The following RNF213 variants were observed in gnomAD, a reference collection of about 807,000 sequenced individuals.
The protein encoded by RNF213 is E3 ubiquitin-protein ligase RNF213.
In RNF213, 341 loss-of-function variants were observed where a neutral mutation model predicts 514.4. The ratio of observed to expected loss-of-function variants is 0.66; its 90% CI spans 0.61 to 0.73. RNF213 has a LOEUF of 0.73. RNF213 is among the 30% of genes least tolerant of loss of function. RNF213 has a pLI of 0.00. For missense variants in RNF213, 5,767 were observed against 6,615.6 expected (o/e 0.87, Z 4.45); for synonymous variants, 2,655 against 2,658.2 (o/e 1.00, Z 0.04).
chr17:80,280,862 C>T (rs1436079319), intron 3 of RNF213, among the ~76,000 whole-genome samples: 3 of 152,024 alleles, frequency 2.0e-5, no homozygotes, highest in African/African-American at 7.3e-5. Context: ...AAGCTGTCAA[C>T]GTACACGGGT....
intron 11 of RNF213, among the ~76,000 whole-genome samples, chr17:80,300,575 A>G (rs893983363): frequency 6.8e-6 from 1 of 147,670 alleles, no homozygotes; most frequent in Non-Finnish European, 1.5e-5. Context: ...TTTGTTTGAG[A>G]TGGAGTTTCG....
chr17:80,340,903 C>T (rs2078138743), intron 26 of RNF213: 1 of 155,210 alleles, frequency 6.4e-6, no homozygotes, highest in African/African-American at 2.4e-5. Flanking sequence ...CTCCCGGATT[C>T]AAGCGATTTT....
chr17:80,361,700 C>T, intron 38 of RNF213, 34 bp from the exon 39 acceptor site: 1 of 1,609,984 alleles, frequency 6.2e-7, no homozygotes, highest in Non-Finnish European at 8.5e-7. Flanking sequence ...GACTTAGACG[C>T]ACTCCAGGCC....
chr17:80,294,712 C>A lies in RNF213; in HGVS notation c.1472-8C>A, dbSNP rs770780342. On this transcript the variant is annotated splice_region_variant and splice_polypyrimidine_tract_variant and intron_variant, in intron 8 of 67. Transcript: ENST00000582970. Reference sequence around the variant, plus strand: ...TAGGTAGGCTCTTGTTCCTTCTGTCCCTCTTAGACTGGCATCAGTACTATG... The same window carrying A: ...TAGGTAGGCTCTTGTTCCTTCTGTCACTCTTAGACTGGCATCAGTACTATG... The A allele has an allele frequency of 3.1e-6, 5 of 1,613,584 alleles. No individual in the cohort carries two copies. The African/African-American group carries it at 6.7e-5, about 22-fold the overall frequency.
chr17:80,355,251 A>T (rs992940107), intron 36 of RNF213: 1 of 453,780 alleles, frequency 2.2e-6, no homozygotes. Flanking sequence ...CTTCTGTGCC[A>T]GTGATAGGTT....
rs1053173411 is a variant in RNF213 at position 80,340,476 on chromosome 17, T to A, written c.5989+120T>A. On this transcript the variant is annotated intron_variant, in intron 26 of 67. Coordinates refer to ENST00000582970, the MANE Select transcript of RNF213 (RefSeq NM_001256071.3). ...AAACCGAGGCTCAGGGAGGGTGTGA[T>A]TCATCTGTGGGTGTCAATCAGGGTC... 23 of 973,390 alleles carry A rather than the reference T, an allele frequency of 2.4e-5. No individual in the cohort carries two copies. The African/African-American group carries it at 3.4e-4, about 14-fold the overall frequency. 60.3% of individuals were successfully genotyped at this position (973,390 alleles called of 1,614,324 possible). A position where few individuals can be genotyped will look rare whatever the true frequency, so the allele number is the denominator to read the frequency against.
At chr17:80,389,941 G>C in intron 66 of RNF213, 24 bp downstream of exon 66, 2 of 1,613,602 alleles carry the variant, frequency 1.2e-6, no homozygotes, top group Non-Finnish European at 1.7e-6. Flanking sequence ...CTTCCTCTCT[G>C]CTGGACAGAG....
At chr17:80,283,532 G>C (rs969409335) in intron 3 of RNF213, among the ~76,000 whole-genome samples, 8 of 152,208 alleles carry the variant, frequency 5.3e-5, no homozygotes, top group African/African-American at 1.7e-4. Flanking sequence ...CCTGGCTCCT[G>C]CCTCCAGCCT....
intron 28 of RNF213, 108 bp from the exon 29 acceptor site, chr17:80,344,570 G>A (rs750180995): frequency 1.3e-5 from 16 of 1,236,048 alleles, no homozygotes; most frequent in East Asian, 4.6e-5. Context: ...TTTTCAGTGC[G>A]TTTTTCATAA....
chr17:80,380,726 A>G (rs764896683), intron 55 of RNF213, 105 bp from the exon 56 acceptor site: 20 of 1,329,098 alleles, frequency 1.5e-5, no homozygotes, highest in Middle Eastern at 1.9e-4. Flanking sequence ...TACTCTTCAC[A>G]TAACTCTCTT....
chr17:80,294,500 G>A (rs937903212), intron 8 of RNF213, among the ~76,000 whole-genome samples: 8 of 152,188 alleles, frequency 5.3e-5, no homozygotes, highest in Admixed American at 2.0e-4. Flanking sequence ...ACTGTGGGAC[G>A]TCTAGGATGT....
Position 80,302,486 on chromosome 17 carries a change from TTA to T in RNF213, c.2211-3764_2211-3763del, listed in dbSNP as rs552030620. On this transcript the variant is annotated intron_variant, in intron 11 of 67. Coordinates refer to ENST00000582970, the MANE Select transcript of RNF213 (RefSeq NM_001256071.3). ...TATTCTCTGTATGCATTTGTATACA[TTA>T]TGTATTGTATACATATATAGAAATA... 1.1e-4 allele frequency among the ~76,000 whole-genome samples: 17 copies of T among 152,348 alleles called. No homozygotes were observed. The East Asian group carries it at 3.3e-3, about 29-fold the overall frequency.
rs1347452667 is a variant in RNF213 at position 80,374,586 on chromosome 17, G to A, written c.13071G>A (p.Leu4357=). 10 of 1,614,050 alleles carry A rather than the reference G, an allele frequency of 6.2e-6. No individual in the cohort carries two copies. The highest frequency in any genetic ancestry group is 8.5e-6 in the Non-Finnish European group (10 of 1,180,020). Residue 4357 remains leucine, a synonymous_variant, in exon 50 of 68, where the codon CTG becomes CTA. Transcript: ENST00000582970. ...AGCCACTGGGCATTAAGACTGCTCT[G>A]AAGGTAGGATGGGCCCGTGGCTTCT... ...ECKPLGIKTA[L]KACKTPQSQQ...
In RNF213 at chr17:80,327,927, T is replaced by C; in HGVS notation, c.3305T>C (p.Leu1102Ser). Residue 1102 changes from leucine to serine, a missense_variant, in exon 19 of 68, where the codon TTA becomes TCA. By Grantham distance (145) the Leu-to-Ser change is moderately radical. This residue lies in a region of RNF213 where 516 missense variants were observed against 566.5 expected (regional missense o/e 0.91). Coordinates refer to ENST00000582970, the MANE Select transcript of RNF213 (RefSeq NM_001256071.3). Reference sequence around the variant, plus strand: ...GGTGACCTCCTAAGTGGCACGATTTTAGTTGGACAACTGGAGCTGATTATA... The same window carrying C: ...GGTGACCTCCTAAGTGGCACGATTTCAGTTGGACAACTGGAGCTGATTATA... ...VVGDLLSGTI[L>S]VGQLELIIKH... 6.5e-7 allele frequency: 1 copy of C among 1,537,284 alleles called. No homozygotes were observed. The highest frequency in any genetic ancestry group is 2.4e-5 in the East Asian group (1 of 40,922).
intron 3 of RNF213, chr17:80,278,668 G>A: frequency 6.9e-7 from 1 of 1,454,336 alleles, no homozygotes; most frequent in Non-Finnish European, 9.2e-7. Flanking sequence ...CTTCCCAAGA[G>A]GAGGTGGCCC....
rs556556651 is a variant in RNF213 at position 80,369,452 on chromosome 17, A to T, written c.12156-50A>T. ...GCAAATCTCAAGTCATTCTGTAAGG[A>T]GGCATTTGGGAAACACCATCCACCT... On this transcript the variant is annotated intron_variant, in intron 44 of 67. Transcript: ENST00000582970. 2.9e-5 allele frequency: 44 copies of T among 1,500,612 alleles called. No individual in the cohort carries two copies. In the South Asian group the frequency reaches 5.0e-4, roughly 17 times the overall value. The allele number at this position is 1,500,612 out of a possible 1,614,324, so 93.0% of individuals were successfully genotyped here.
At chr17:80,283,779 C>T (rs1205130837) in intron 3 of RNF213, among the ~76,000 whole-genome samples, 9 of 152,326 alleles carry the variant, frequency 5.9e-5, no homozygotes, top group South Asian at 2.1e-4. Context: ...TGTGACTCGG[C>T]GGTCCAGAGC....
Position 80,290,550 on chromosome 17 carries a change from C to T in RNF213, c.1113-20C>T. 1 of 1,613,178 alleles carries T rather than the reference C, an allele frequency of 6.2e-7. No homozygotes were observed. Among genetic ancestry groups the T allele is most frequent in the Non-Finnish European group, 8.5e-7 (1 of 1,180,028 alleles). ...GACAGATCTCACGGGAATCAGATTTCTGTTTTGGTTTTCCACCAGCACGCT... is the reference window on the plus strand; with the variant it reads ...GACAGATCTCACGGGAATCAGATTTTTGTTTTGGTTTTCCACCAGCACGCT... On this transcript the variant is annotated intron_variant, in intron 6 of 67. Transcript: ENST00000582970.
chr17:80,273,279 G>C lies in RNF213; in HGVS notation c.136G>C (p.Glu46Gln). The part of the protein sequence containing the change: ...NNNSTMASAS[E>Q]GEMECGQELK... ...TAACTCCACAATGGCGTCGGCCTCGGAGGGTGAAATGGAGTGTGGGCAGGA... is the reference window on the plus strand; with the variant it reads ...TAACTCCACAATGGCGTCGGCCTCGCAGGGTGAAATGGAGTGTGGGCAGGA... Residue 46 changes from glutamate (E) to glutamine (Q), a missense_variant, in exon 3 of 68, where the codon GAG (glutamate) becomes CAG (glutamine). Coordinates refer to ENST00000582970, the MANE Select transcript of RNF213 (RefSeq NM_001256071.3). The C allele has an allele frequency of 6.2e-7, 1 of 1,613,726 alleles. No individual in the cohort carries two copies. Among genetic ancestry groups the C allele is most frequent in the Non-Finnish European group, 8.5e-7 (1 of 1,179,992 alleles).
Sources: gnomAD v4.1 joint callset for allele counts (sites outside exome capture counted in the v4.1 genomes callset) on GRCh38, gnomAD v4.1.1 for gene constraint, gnomAD v4.1.1 regional missense constraint, MANE v1.5 for transcripts, NCBI Gene and HGNC (gene_info 2026-07-23, HGNC 2026-07-21) for gene names.